The following PLXNC1 variants were observed in gnomAD, a reference collection of about 807,000 sequenced individuals.
PLXNC1 encodes plexin C1, also known as plexin-C1.
A neutral mutation model predicts 178.2 loss-of-function variants in PLXNC1; 75 were observed. That is an observed-to-expected ratio of 0.42 (90% CI 0.35 to 0.51). PLXNC1 has a LOEUF of 0.51. PLXNC1 is among the 20% of genes least tolerant of loss of function. The probability of loss-of-function intolerance (pLI) is 0.02; values close to 1 mark genes in which losing one functional copy is unlikely to be tolerated. For synonymous variants in PLXNC1, 790 were observed against 779.9 expected (o/e 1.01, Z -0.22); for missense variants, 1,503 against 1,984.4 (o/e 0.76, Z 4.61).
intron 21 of PLXNC1, among the ~76,000 whole-genome samples, chr12:94,269,730 A>T (rs943946344): frequency 6.6e-6 from 1 of 152,262 alleles, no homozygotes; most frequent in Non-Finnish European, 1.5e-5. Flanking sequence ...GTTAATTAAC[A>T]ATTCTTGAGC....
intron 26 of PLXNC1, 73 bp from the exon 27 acceptor site, chr12:94,298,559 C>G: frequency 3.3e-6 from 4 of 1,194,234 alleles, no homozygotes; most frequent in Non-Finnish European, 4.7e-6. Context: ...TGTGGATTTG[C>G]TTTTGCTATT....
chr12:94,294,536 T>C lies in PLXNC1; in HGVS notation c.3930T>C (p.Thr1310=). 7.9e-7 allele frequency: 1 copy of C among 1,262,528 alleles called. No homozygotes were observed. The highest frequency in any genetic ancestry group is 1.5e-5 in the African/African-American group (1 of 68,144). The allele number at this position is 1,262,528 out of a possible 1,614,324, so 78.2% of individuals were successfully genotyped here. A position where few individuals can be genotyped will look rare whatever the true frequency, so the allele number is the denominator to read the frequency against. The part of the protein sequence containing the change: ...IKVFKKIANF[T]SDVEYSDDHC... Reference sequence around the variant, plus strand: ...TCTTTAAGAAGATAGCAAATTTTACTTCAGGTAACCAATATAATATTGTTA... The same window carrying C: ...TCTTTAAGAAGATAGCAAATTTTACCTCAGGTAACCAATATAATATTGTTA... The change falls in exon 24 of 31, where the codon ACT becomes ACC. Residue 1310 remains threonine (T), a synonymous_variant. Transcript: ENST00000258526.
At chr12:94,177,091 G>A (rs376981434) in intron 2 of PLXNC1, among the ~76,000 whole-genome samples, 68 of 139,700 alleles carry the variant, frequency 4.9e-4, no homozygotes, top group African/African-American at 1.7e-3. Flanking sequence ...ATATATATGT[G>A]TATATATATA....
At chr12:94,251,078 T>C (rs1236225243) in intron 14 of PLXNC1, among the ~76,000 whole-genome samples, 4 of 110,490 alleles carry the variant, frequency 3.6e-5, no homozygotes, top group Non-Finnish European at 6.2e-5. Context: ...GTTTCTTCCT[T>C]AGAATAAAGG....
At chr12:94,232,433 T>G (rs1964129146) in intron 9 of PLXNC1, among the ~76,000 whole-genome samples, 1 of 152,122 alleles carries the variant, frequency 6.6e-6, no homozygotes, top group Admixed American at 6.6e-5. Flanking sequence ...TCACAGGCAA[T>G]CCAGATGAAT....
chr12:94,155,764 T>C (rs1961145735), intron 1 of PLXNC1, among the ~76,000 whole-genome samples: 1 of 152,232 alleles, frequency 6.6e-6, no homozygotes, highest in Admixed American at 6.5e-5. Context: ...GAGTCGTCTA[T>C]TGTGCTGTAC....
At chr12:94,208,629 T>TACCA (rs1648864505) in intron 4 of PLXNC1, among the ~76,000 whole-genome samples, 1 of 152,260 alleles carries the variant, frequency 6.6e-6, no homozygotes, top group Non-Finnish European at 1.5e-5. Flanking sequence ...ATCACTGGTT[T>TACCA]ACCACCCCTG....
Position 94,252,568 on chromosome 12 carries a change from C to T in PLXNC1, c.2881+1040C>T, listed in dbSNP as rs568491968. Among the ~76,000 whole-genome samples the T allele has an allele frequency of 7.9e-5, 12 of 152,222 alleles. 1 individual carries two copies. Among genetic ancestry groups the T allele is most frequent in the Admixed American group, 5.2e-4 (8 of 15,294 alleles). ...GGTCCACCAATATATTTTGTTTTGC[C>T]GTGTAGCATTGTCTAAAACTATTAA... On this transcript the variant is annotated intron_variant, in intron 15 of 30. Coordinates refer to ENST00000258526, the MANE Select transcript of PLXNC1 (RefSeq NM_005761.3).
At chr12:94,170,600 A>C (rs1262763511) in intron 2 of PLXNC1, among the ~76,000 whole-genome samples, 1 of 151,946 alleles carries the variant, frequency 6.6e-6, no homozygotes. Context: ...GGCTCATTCC[A>C]AATGTCTTGC....
intron 12 of PLXNC1, 45 bp downstream of exon 12, chr12:94,244,070 G>T (rs1182667289): frequency 8.3e-7 from 1 of 1,212,116 alleles, no homozygotes; most frequent in Non-Finnish European, 1.2e-6. Flanking sequence ...TTCAAGGATG[G>T]TTCTATTTTC....
At chr12:94,230,801 A>T (rs553182809) in intron 9 of PLXNC1, among the ~76,000 whole-genome samples, 5 of 152,320 alleles carry the variant, frequency 3.3e-5, no homozygotes, top group Non-Finnish European at 5.9e-5. Context: ...CCCACACCAC[A>T]TATGTACTGA....
intron 14 of PLXNC1, among the ~76,000 whole-genome samples, 200 bp downstream of exon 14, chr12:94,248,612 C>T (rs1049302061): frequency 2.0e-5 from 3 of 152,210 alleles, no homozygotes; most frequent in Non-Finnish European, 4.4e-5. Flanking sequence ...CCTGTTCGAA[C>T]GTCAAAGCGT....
At position 94,259,385 on chromosome 12, in the gene PLXNC1, T is replaced by C. The variant is rs1186243051; in HGVS notation, c.3126+10T>C. 6.3e-7 allele frequency: 1 copy of C among 1,586,730 alleles called. No homozygotes were observed. Among genetic ancestry groups the C allele is most frequent in the Non-Finnish European group, 8.6e-7 (1 of 1,169,030 alleles). Reference sequence around the variant, plus strand: ...CACTGAAGATATGCATGTAAGTCTCTACGTTTTCATTTTTAGCCCAGTGAC... The same window carrying C: ...CACTGAAGATATGCATGTAAGTCTCCACGTTTTCATTTTTAGCCCAGTGAC... On this transcript the variant is annotated intron_variant, in intron 18 of 30. Coordinates refer to ENST00000258526, the MANE Select transcript of PLXNC1 (RefSeq NM_005761.3).
chr12:94,236,831 C>G (rs1435622773), intron 9 of PLXNC1, among the ~76,000 whole-genome samples: 1 of 152,102 alleles, frequency 6.6e-6, no homozygotes, highest in Non-Finnish European at 1.5e-5. Context: ...ACAGTAGCAT[C>G]TGTAACATAA....
chr12:94,199,691 A>C (rs1963048022), intron 4 of PLXNC1, among the ~76,000 whole-genome samples: 1 of 152,218 alleles, frequency 6.6e-6, no homozygotes, highest in Admixed American at 6.5e-5. Context: ...AGGGGATAGC[A>C]GTGCTAAGGG....
chr12:94,192,395 T>G (rs1962760903), intron 4 of PLXNC1, among the ~76,000 whole-genome samples: 1 of 151,852 alleles, frequency 6.6e-6, no homozygotes, highest in South Asian at 2.1e-4. Flanking sequence ...CAGTTCTTTC[T>G]TGTCTCTATA....
chr12:94,254,787 C>A lies in PLXNC1; in HGVS notation c.2882C>A (p.Ala961Glu). ...CTGATGCAGCATCTCTGTCTCTTAG[C>A]GGCCGTGGGGGTGACCAGGCACAAA... is the stretch of plus-strand genomic sequence containing the variant. ...LPVLLVIVIF[A>E]AVGVTRHKSK... The change falls in exon 16 of 31, where the codon GCG becomes GAG. Residue 961 changes from alanine (A) to glutamate (E), a missense_variant and splice_region_variant. Ala to Glu is a moderately radical substitution (Grantham distance 107). Transcript: ENST00000258526. 6.3e-7 allele frequency: 1 copy of A among 1,585,366 alleles called. No individual in the cohort carries two copies. The highest frequency in any genetic ancestry group is 8.5e-7 in the Non-Finnish European group (1 of 1,170,816).
intron 9 of PLXNC1, among the ~76,000 whole-genome samples, chr12:94,231,688 G>T (rs1964107947): frequency 6.6e-6 from 1 of 152,068 alleles, no homozygotes. Context: ...ATAGAGAAAT[G>T]AGCTCAAAAA....
chr12:94,163,554 A>G (rs570712804), intron 1 of PLXNC1, among the ~76,000 whole-genome samples: 189 of 152,076 alleles, frequency 1.2e-3, no homozygotes, highest in African/African-American at 4.4e-3. Flanking sequence ...AATCTTGGAG[A>G]GTGGGACTTT....
Sources: gnomAD v4.1 joint callset for allele counts (sites outside exome capture counted in the v4.1 genomes callset) on GRCh38, gnomAD v4.1.1 for gene constraint, MANE v1.5 for transcripts, NCBI Gene and HGNC (gene_info 2026-07-23, HGNC 2026-07-21) for gene names.